CDH2: variants seen among roughly 807,000 people sequenced by gnomAD.
CDH2 encodes cadherin 2.
CDH2 carries 17 observed loss-of-function variants against 92.0 expected under a neutral mutation model. That is an observed-to-expected ratio of 0.18 (90% CI 0.13 to 0.28). CDH2 has a LOEUF of 0.28. CDH2 is among the 10% of genes least tolerant of loss of function. The probability of loss-of-function intolerance (pLI) is 1.00; values close to 1 mark genes in which losing one functional copy is unlikely to be tolerated. For missense variants in CDH2, 862 were observed against 1,133.1 expected (o/e 0.76, Z 3.44); for synonymous variants, 419 against 415.9 (o/e 1.01, Z -0.09).
intron 1 of CDH2, among the ~76,000 whole-genome samples, chr18:28,153,685 T>G (rs944368194): frequency 1.3e-5 from 2 of 152,274 alleles, no homozygotes; most frequent in Admixed American, 1.3e-4. Context: ...GAAGAAACAG[T>G]TCCCCATCTG....
chr18:28,056,123 T>A (rs1285173649), intron 2 of CDH2, among the ~76,000 whole-genome samples: 2 of 152,044 alleles, frequency 1.3e-5, no homozygotes, highest in Non-Finnish European at 2.9e-5. Flanking sequence ...CTAAAAGGAC[T>A]GGTTGTTTCA....
intron 2 of CDH2, among the ~76,000 whole-genome samples, chr18:28,061,094 T>A (rs1426352863): frequency 6.6e-6 from 1 of 152,330 alleles, no homozygotes; most frequent in East Asian, 1.9e-4. Context: ...TTGTACTATA[T>A]AGTTAAAATT....
At chr18:28,167,096 T>C (rs1021751501) in intron 1 of CDH2, among the ~76,000 whole-genome samples, 8 of 152,060 alleles carry the variant, frequency 5.3e-5, no homozygotes, top group African/African-American at 2.4e-5. Context: ...AGAGAAGGTA[T>C]TAAGAAGCAT....
At chr18:28,061,470 C>T (rs1477606553) in intron 2 of CDH2, among the ~76,000 whole-genome samples, 1 of 152,064 alleles carries the variant, frequency 6.6e-6, no homozygotes, top group Admixed American at 6.6e-5. Flanking sequence ...CGATGAAACC[C>T]CATCTTTACT....
chr18:28,070,066 T>C (rs1235882381), intron 2 of CDH2, among the ~76,000 whole-genome samples: 1 of 152,086 alleles, frequency 6.6e-6, no homozygotes, highest in Non-Finnish European at 1.5e-5. Flanking sequence ...AATCCAATCT[T>C]CACAGAATCA....
At chr18:27,990,913 C>T (rs1462264103) in intron 9 of CDH2, among the ~76,000 whole-genome samples, 1 of 152,146 alleles carries the variant, frequency 6.6e-6, no homozygotes, top group African/African-American at 2.4e-5. Flanking sequence ...CGCACACACA[C>T]CTTTTAAAAA....
chr18:28,111,044 G>C (rs1478744918), intron 2 of CDH2, among the ~76,000 whole-genome samples: 1 of 152,160 alleles, frequency 6.6e-6, no homozygotes, highest in Non-Finnish European at 1.5e-5. Context: ...CATGGAAGAT[G>C]GGCCTTCTTG....
At chr18:28,172,234 TAAAG>T (rs1412796513) in intron 1 of CDH2, among the ~76,000 whole-genome samples, 5 of 152,104 alleles carry the variant, frequency 3.3e-5, no homozygotes, top group Non-Finnish European at 7.4e-5. Context: ...AAATTTTCCT[TAAAG>T]AGACTATTAT....
chr18:28,128,005 G>T (rs962508213), intron 2 of CDH2, among the ~76,000 whole-genome samples: 2 of 152,154 alleles, frequency 1.3e-5, no homozygotes, highest in Non-Finnish European at 2.9e-5. Flanking sequence ...AAGATAAACA[G>T]ATGATCCATT....
At chr18:28,035,927 A>T (rs1234495320) in intron 2 of CDH2, among the ~76,000 whole-genome samples, 1 of 152,252 alleles carries the variant, frequency 6.6e-6, no homozygotes, top group Admixed American at 6.5e-5. Context: ...ATGAATTAAG[A>T]TGAAGATCTA....
intron 2 of CDH2, among the ~76,000 whole-genome samples, chr18:28,145,987 C>T (rs1263003734): frequency 1.3e-5 from 2 of 152,014 alleles, no homozygotes; most frequent in African/African-American, 4.8e-5. Context: ...TAGCAAAAAT[C>T]CTGTTTCTAG....
chr18:27,946,816 G>T (rs1909277990), downstream of CDH2, among the ~76,000 whole-genome samples: 1 of 151,888 alleles, frequency 6.6e-6, no homozygotes. Context: ...TTCCAGGAAA[G>T]TTCAATTCAA....
intron 7 of CDH2, among the ~76,000 whole-genome samples, chr18:28,000,847 C>A (rs1400236519): frequency 1.3e-5 from 2 of 151,460 alleles, no homozygotes; most frequent in African/African-American, 4.8e-5. Context: ...CCTGAGAGCA[C>A]GAGAACACAC....
At chr18:27,954,907 C>T (rs932479911) in intron 15 of CDH2, among the ~76,000 whole-genome samples, 10 of 152,266 alleles carry the variant, frequency 6.6e-5, no homozygotes, top group African/African-American at 1.2e-4. Context: ...GATCTAGCAA[C>T]TGCAAATTTA....
intron 2 of CDH2, among the ~76,000 whole-genome samples, chr18:28,127,968 G>C (rs1171776286): frequency 2.0e-5 from 3 of 152,136 alleles, no homozygotes; most frequent in African/African-American, 7.2e-5. Flanking sequence ...AGAATGCTCA[G>C]TGGCAAACAG....
At chr18:28,147,961 T>A (rs1229902929) in intron 1 of CDH2, among the ~76,000 whole-genome samples, 177 bp from the exon 2 acceptor site, 1 of 152,188 alleles carries the variant, frequency 6.6e-6, no homozygotes, top group Admixed American at 6.5e-5. Flanking sequence ...TTTTGATAAC[T>A]GGAGTAGAAG....
At chr18:28,131,167 A>G (rs2015763033) in intron 2 of CDH2, among the ~76,000 whole-genome samples, 1 of 152,338 alleles carries the variant, frequency 6.6e-6, no homozygotes, top group Non-Finnish European at 1.5e-5. Context: ...CAGTATTTGA[A>G]AGTTATAATT....
chr18:27,939,253 A>C (rs1909083454), intron 6 of CDH2, among the ~76,000 whole-genome samples: 1 of 152,140 alleles, frequency 6.6e-6, no homozygotes, highest in Non-Finnish European at 1.5e-5. Flanking sequence ...GGGAGTCATA[A>C]AAATAACTGC....
intron 1 of CDH2, among the ~76,000 whole-genome samples, chr18:28,176,513 A>T (rs900811332): frequency 1.3e-5 from 2 of 152,168 alleles, no homozygotes; most frequent in South Asian, 4.1e-4. Context: ...TCCCGTAACT[A>T]AGACACCAGA....
Sources: gnomAD v4.1 joint callset for allele counts (sites outside exome capture counted in the v4.1 genomes callset) on GRCh38, gnomAD v4.1.1 for gene constraint, MANE v1.5 for transcripts, NCBI Gene and HGNC (gene_info 2026-07-23, HGNC 2026-07-21) for gene names.